Variants in COX19 observed in about 807,000 individuals in gnomAD.
COX19 encodes cytochrome c oxidase assembly factor COX19.
A neutral mutation model predicts 6.8 loss-of-function variants in COX19; 8 were observed. That is an observed-to-expected ratio of 1.18 (90% CI 0.69 to 2.12). The LOEUF (loss-of-function observed/expected upper bound fraction) is 2.12. Among genes scored for constraint, COX19 ranks in the 30% most tolerant of loss-of-function variants. The pLI is 0.00. For synonymous variants in COX19, 51 were observed against 38.0 expected (o/e 1.34, Z -1.26); for missense variants, 131 against 104.6 (o/e 1.25, Z -1.10).
chr7:972,165 C>A (rs1427179818), intron 2 of COX19, among the ~76,000 whole-genome samples: 1 of 152,200 alleles, frequency 6.6e-6, no homozygotes, highest in East Asian at 1.9e-4. Flanking sequence ...CTAATTTAAA[C>A]ACGTGGCTCC....
intron 2 of COX19, among the ~76,000 whole-genome samples, chr7:970,285 T>A: frequency 6.6e-6 from 1 of 151,280 alleles, no homozygotes; most frequent in East Asian, 1.9e-4. Flanking sequence ...CAGGTGCACA[T>A]CACCACGCCC....
chr7:966,903 C>T lies in COX19; in HGVS notation c.*2475G>A, dbSNP rs1023181782. On this transcript the variant is annotated 3_prime_UTR_variant, in exon 3 of 3. Transcript: ENST00000344111. ...TGCCTGCCAGGCACTCAGCAGCCAT[C>T]TCGGTGATCAGACCAGCCATCGCGG... 4 of 152,410 alleles carry T rather than the reference C, an allele frequency of 2.6e-5. 1 individual carries two copies. The allele number at this position is 152,410 out of a possible 1,614,324, so 9.4% of individuals were successfully genotyped here.
intron 1 of COX19, among the ~76,000 whole-genome samples, chr7:974,173 G>GGC (rs1847671650): frequency 6.7e-6 from 1 of 148,442 alleles, no homozygotes; most frequent in Non-Finnish European, 1.5e-5. Flanking sequence ...CTCCAGCCTG[G>GGC]GCGACACAGT....
intron 2 of COX19, among the ~76,000 whole-genome samples, chr7:971,389 A>G (rs1847632933): frequency 6.6e-6 from 1 of 152,224 alleles, no homozygotes; most frequent in African/African-American, 2.4e-5. Flanking sequence ...ATTTTAGCAC[A>G]GAAGGAAAAA....
In COX19 at chr7:965,642, C is replaced by T. The variant is rs1847541501; in HGVS notation, c.*3736G>A. Among the ~76,000 whole-genome samples, 2 of 152,220 alleles carry T rather than the reference C, an allele frequency of 1.3e-5. No individual in the cohort carries two copies. Among genetic ancestry groups the T allele is most frequent in the South Asian group, 4.1e-4 (2 of 4,832 alleles). ...TCACACCACACGTCACCACTCACTT[C>T]ATGGCAACTGAGGGTTTTTTTTTGA... On this transcript the variant is annotated 3_prime_UTR_variant, in exon 3 of 3. Coordinates refer to ENST00000344111, the MANE Select transcript of COX19 (RefSeq NM_001031617.3).
rs187451437 is a variant in COX19 at position 967,046 on chromosome 7, G to A, written c.*2332C>T. 4.4e-4 allele frequency: 67 copies of A among 152,298 alleles called. 1 individual carries two copies. The highest frequency in any genetic ancestry group is 3.9e-3 in the East Asian group (20 of 5,188). The allele number at this position is 152,298 out of a possible 1,614,324, so 9.4% of individuals were successfully genotyped here. ...AGAAGCTGCCAAGCGCTTCCTTTAA[G>A]GGAAAAGGTGGAAACTCCTGACCTA... On this transcript the variant is annotated 3_prime_UTR_variant, in exon 3 of 3. Coordinates refer to ENST00000344111, the MANE Select transcript of COX19 (RefSeq NM_001031617.3).
At position 973,259 on chromosome 7, in the gene COX19, T is replaced by G; in HGVS notation, c.116A>C (p.Lys39Thr). ...ECKSFKEKFM[K>T]CLHNNNFENA... Reference sequence around the variant, plus strand: ...TTCAAAATTATTGTTATGAAGACACTTCATGAATTTCTCTTTAAAGCTTTT... The same window carrying G: ...TTCAAAATTATTGTTATGAAGACACGTCATGAATTTCTCTTTAAAGCTTTT... The change falls in exon 2 of 3, where the codon AAG becomes ACG. Residue 39 changes from lysine to threonine, a missense_variant. Physicochemically the swap from Lys to Thr is moderately conservative, Grantham distance 78. Transcript: ENST00000344111. 1 of 1,596,748 alleles carries G rather than the reference T, an allele frequency of 6.3e-7. No individual in the cohort carries two copies. The highest frequency in any genetic ancestry group is 8.5e-7 in the Non-Finnish European group (1 of 1,173,644).
intron 2 of COX19, among the ~76,000 whole-genome samples, chr7:971,770 C>A (rs1847639292): frequency 6.6e-6 from 1 of 152,156 alleles, no homozygotes; most frequent in Non-Finnish European, 1.5e-5. Flanking sequence ...ACTCGGGAGG[C>A]TGAGGTGGGA....
intron 2 of COX19, among the ~76,000 whole-genome samples, chr7:970,666 C>T (rs1365845826): frequency 1.3e-5 from 2 of 152,056 alleles, no homozygotes; most frequent in Non-Finnish European, 2.9e-5. Flanking sequence ...AACTCCTGAC[C>T]TCAAGTGATC....
Position 965,680 on chromosome 7 carries a change from G to A in COX19, c.*3698C>T, listed in dbSNP as rs181979736. Among the ~76,000 whole-genome samples the A allele has an allele frequency of 4.6e-5, 7 of 152,226 alleles. No individual in the cohort carries two copies. Among genetic ancestry groups the A allele is most frequent in the East Asian group, 3.9e-4 (2 of 5,184 alleles). On this transcript the variant is annotated 3_prime_UTR_variant, in exon 3 of 3. Transcript: ENST00000344111. ...GGTTTTTTTTTGAGACGGTTCTGTC[G>A]CCCAGGCTGGAGTGTGGTGGCACAA...
chr7:971,695 C>T (rs1761967685), intron 2 of COX19, among the ~76,000 whole-genome samples: 1 of 152,024 alleles, frequency 6.6e-6, no homozygotes, highest in Non-Finnish European at 1.5e-5. Context: ...CACGGTGAAA[C>T]CCCGTCTCTA....
chr7:971,598 G>A (rs1034255093), intron 2 of COX19, among the ~76,000 whole-genome samples: 10 of 152,150 alleles, frequency 6.6e-5, no homozygotes, highest in African/African-American at 9.7e-5. Flanking sequence ...AAGCCTGGGC[G>A]TAGTGGCTCA....
chr7:969,491 G>A (rs539961158), intron 2 of COX19, 35 bp from the exon 3 acceptor site: 7 of 1,398,680 alleles, frequency 5.0e-6, no homozygotes, highest in South Asian at 4.6e-5. Context: ...AGGGCGGGAG[G>A]TGCAGAGAGG....
Position 975,123 on chromosome 7 carries a change from C to T in COX19, c.82+305G>A, listed in dbSNP as rs1000154253. ...GGCTTCGTGGCCGCCGAATGCCCCG[C>T]TCTGCAAACCCGGGGCACAGACAGC... On this transcript the variant is annotated intron_variant, in intron 1 of 2. Coordinates refer to ENST00000344111, the MANE Select transcript of COX19 (RefSeq NM_001031617.3). 15 of 347,998 alleles carry T rather than the reference C, an allele frequency of 4.3e-5. No homozygotes were observed. In the East Asian group the frequency reaches 7.1e-4, roughly 16 times the overall value. 21.6% of individuals were successfully genotyped at this position (347,998 alleles called of 1,614,324 possible). A position where few individuals can be genotyped will look rare whatever the true frequency, so the allele number is the denominator to read the frequency against.
At chr7:974,789 C>T (rs899437074) in intron 1 of COX19, 1 of 152,250 alleles carries the variant, frequency 6.6e-6, no homozygotes, top group African/African-American at 2.4e-5. Flanking sequence ...TCCCGAGTAG[C>T]TGGGACTACA....
rs1444179124 is a variant in COX19 at position 965,639 on chromosome 7, C to T, written c.*3739G>A. Among the ~76,000 whole-genome samples the T allele has an allele frequency of 6.6e-6, 1 of 152,208 alleles. No homozygotes were observed. Among genetic ancestry groups the T allele is most frequent in the Non-Finnish European group, 1.5e-5 (1 of 68,026 alleles). ...GCTTCACACCACACGTCACCACTCA[C>T]TTCATGGCAACTGAGGGTTTTTTTT... On this transcript the variant is annotated 3_prime_UTR_variant, in exon 3 of 3. Coordinates refer to ENST00000344111, the MANE Select transcript of COX19 (RefSeq NM_001031617.3).
At chr7:974,281 G>T (rs951700551) in intron 1 of COX19, among the ~76,000 whole-genome samples, 11 of 151,472 alleles carry the variant, frequency 7.3e-5, no homozygotes, top group Non-Finnish European at 1.5e-4. Context: ...AATTAGCTGG[G>T]TGTGGCGCTG....
chr7:968,870 C>G lies in COX19; in HGVS notation c.*508G>C, dbSNP rs1847595560. 6.6e-6 allele frequency: 1 copy of G among 151,544 alleles called. No individual in the cohort carries two copies. The highest frequency in any genetic ancestry group is 2.4e-5 in the African/African-American group (1 of 41,214). 9.4% of individuals were successfully genotyped at this position (151,544 alleles called of 1,614,324 possible). On this transcript the variant is annotated 3_prime_UTR_variant, in exon 3 of 3. Transcript: ENST00000344111. Reference sequence around the variant, plus strand: ...GCAAAACCAGAAAGAATCAAGAAGTCAATCCATCCAAAGCCAGAAGGTTCT... The same window carrying G: ...GCAAAACCAGAAAGAATCAAGAAGTGAATCCATCCAAAGCCAGAAGGTTCT...
chr7:973,220 C>A lies in COX19; in HGVS notation c.155G>T (p.Arg52Ile). ...HNNNFENALCRKESKEYLECR... is the reference protein window; with the variant it reads ...HNNNFENALCIKESKEYLECR... ...TTCTAAATATTCTTTTGATTCCTTT[C>A]TGCACAAAGCATTTTCAAAATTATT... The change falls in exon 2 of 3, where the codon AGA becomes ATA. Residue 52 changes from arginine to isoleucine, a missense_variant. Arg to Ile is a moderately conservative substitution (Grantham distance 97). Transcript: ENST00000344111. 2 of 1,605,610 alleles carry A rather than the reference C, an allele frequency of 1.2e-6. No individual in the cohort carries two copies. The highest frequency in any genetic ancestry group is 1.7e-6 in the Non-Finnish European group (2 of 1,176,436).
Sources: gnomAD v4.1 joint callset for allele counts (sites outside exome capture counted in the v4.1 genomes callset) on GRCh38, gnomAD v4.1.1 for gene constraint, MANE v1.5 for transcripts, NCBI Gene and HGNC (gene_info 2026-07-23, HGNC 2026-07-21) for gene names.